The following ADGRG1 variants were observed in gnomAD, a reference collection of about 807,000 sequenced individuals.
The protein encoded by ADGRG1 is 7-transmembrane protein with no EGF-like N-terminal domains-1.
ADGRG1 carries 53 observed loss-of-function variants against 73.5 expected under a neutral mutation model. The observed-to-expected ratio is 0.72, with a 90% CI of 0.58 to 0.91. The LOEUF is 0.91. Ranked by LOEUF, ADGRG1 falls within the 40% of genes least tolerant of loss-of-function variation. The pLI, the probability that ADGRG1 is intolerant of heterozygous loss-of-function variation, is 0.00. For missense variants in ADGRG1, 795 were observed against 871.8 expected (o/e 0.91, Z 1.11); for synonymous variants, 394 against 374.4 (o/e 1.05, Z -0.60).
In ADGRG1 at chr16:57,659,690, T is replaced by G. The variant is rs754174494; in HGVS notation, c.1555+9T>G. The G allele has an allele frequency of 1.7e-5, 28 of 1,613,314 alleles. No individual in the cohort carries two copies. The highest frequency in any genetic ancestry group is 2.3e-5 in the Non-Finnish European group (27 of 1,179,852). On this transcript the variant is annotated intron_variant, in intron 11 of 13. Coordinates refer to ENST00000562631, the MANE Select transcript of ADGRG1 (RefSeq NM_201525.4). ...GAGCGCCATGGGCTGGGGTAAGTGG[T>G]TGGGCGGGGGGTGCCTCAGACCTGC...
chr16:57,655,343 G>T (rs116436843), intron 5 of ADGRG1, 56 bp from the exon 6 acceptor site: 7 of 1,600,654 alleles, frequency 4.4e-6, no homozygotes, highest in Admixed American at 1.7e-5. Flanking sequence ...GTGCTAGGGT[G>T]GGGGGCACGG....
chr16:57,661,132 G>C (rs1460166893), intron 12 of ADGRG1: 1 of 274,098 alleles, frequency 3.6e-6, no homozygotes, highest in Non-Finnish European at 5.6e-6. Flanking sequence ...ATGCATGAAT[G>C]GGGGTATGGG....
chr16:57,627,509 TTCA>T (rs749038938), upstream of ADGRG1, among the ~76,000 whole-genome samples: 1 of 152,230 alleles, frequency 6.6e-6, no homozygotes, highest in Non-Finnish European at 1.5e-5. Context: ...CTCCCTCTTC[TTCA>T]TCACCACATT....
Position 57,659,492 on chromosome 16 carries a change from C to T in ADGRG1, c.1366C>T (p.Leu456Phe). The T allele has an allele frequency of 1.9e-6, 3 of 1,613,846 alleles. No homozygotes were observed. Among genetic ancestry groups the T allele is most frequent in the Non-Finnish European group, 2.5e-6 (3 of 1,179,822 alleles). ...AVFLLDTSFL[L>F]SEPVALTGSE... ...CTTCCTGCTGGACACGAGCTTCCTGCTCAGCGAGCCGGTGGCCCTGACAGG... is the reference window on the plus strand; with the variant it reads ...CTTCCTGCTGGACACGAGCTTCCTGTTCAGCGAGCCGGTGGCCCTGACAGG... The change falls in exon 11 of 14, where the codon CTC becomes TTC. Residue 456 changes from leucine (L) to phenylalanine (F), a missense_variant. Coordinates refer to ENST00000562631, the MANE Select transcript of ADGRG1 (RefSeq NM_201525.4).
At chr16:57,645,237 G>C in intron 1 of ADGRG1, 5 of 985,446 alleles carry the variant, frequency 5.1e-6, no homozygotes, top group Non-Finnish European at 6.0e-6. Context: ...AGTTGAGCTG[G>C]GGGGGTCTTC....
intron 1 of ADGRG1, chr16:57,647,145 G>A (rs762057083): frequency 9.1e-6 from 9 of 985,318 alleles, no homozygotes; most frequent in African/African-American, 1.7e-5. Flanking sequence ...AAGGAGGGGC[G>A]CTAAGTGGAC....
chr16:57,635,167 G>A (rs886415954), intron 1 of ADGRG1: 38 of 985,218 alleles, frequency 3.9e-5, no homozygotes, highest in South Asian at 4.7e-5. Context: ...ACCTGAATAG[G>A]GGCATTCCTG....
intron 2 of ADGRG1, chr16:57,621,644 G>C (rs1772979062): frequency 6.5e-6 from 1 of 152,684 alleles, no homozygotes; most frequent in Non-Finnish European, 1.5e-5. Context: ...CCACCTTGTG[G>C]GTAGTCACTA....
At chr16:57,634,301 T>C (rs2038800770) in intron 1 of ADGRG1, 1 of 985,268 alleles carries the variant, frequency 1.0e-6, no homozygotes, top group Non-Finnish European at 1.2e-6. Flanking sequence ...CCTGCTTTGA[T>C]GGTGACAGAT....
In ADGRG1 at chr16:57,655,929, G is replaced by C. The variant is rs2045597183; in HGVS notation, c.954G>C (p.Gln318His). Reference sequence around the variant, plus strand: ...AGAAGGTCTTGGGGATTGTGGTACAGAACACCAAAGTAGCCAACCTCACGG... The same window carrying C: ...AGAAGGTCTTGGGGATTGTGGTACACAACACCAAAGTAGCCAACCTCACGG... ...LGEKVLGIVVQNTKVANLTEP... is the reference protein window; with the variant it reads ...LGEKVLGIVVHNTKVANLTEP... Residue 318 changes from glutamine to histidine, a missense_variant, in exon 7 of 14, where the codon CAG (glutamine) becomes CAC (histidine). Coordinates refer to ENST00000562631, the MANE Select transcript of ADGRG1 (RefSeq NM_201525.4). The C allele has an allele frequency of 1.2e-6, 2 of 1,614,054 alleles. No individual in the cohort carries two copies. The highest frequency in any genetic ancestry group is 1.7e-6 in the Non-Finnish European group (2 of 1,180,028).
intron 13 of ADGRG1, among the ~76,000 whole-genome samples, chr16:57,662,232 G>A (rs2047301645): frequency 6.6e-6 from 1 of 152,166 alleles, no homozygotes; most frequent in Non-Finnish European, 1.5e-5. Flanking sequence ...GGGGAAGACT[G>A]CGCATGAGCA....
chr16:57,623,697 C>T, upstream of ADGRG1: 2 of 644,774 alleles, frequency 3.1e-6, no homozygotes, highest in Non-Finnish European at 3.9e-6. Flanking sequence ...CACACAGCTC[C>T]CTTTGTGAAG....
At chr16:57,657,781 G>A (rs781087994) in intron 10 of ADGRG1, among the ~76,000 whole-genome samples, 13 of 151,586 alleles carry the variant, frequency 8.6e-5, no homozygotes, top group Admixed American at 3.9e-4. Flanking sequence ...TGCCTCTGTC[G>A]CCCAGGCTGG....
chr16:57,636,467 C>G, intron 1 of ADGRG1: 1 of 985,284 alleles, frequency 1.0e-6, no homozygotes. Flanking sequence ...GAACCGTTCT[C>G]TGGCCAAGCA....
Position 57,643,575 on chromosome 16 carries a change from C to A in ADGRG1, c.-35-6678C>A, listed in dbSNP as rs554594625. 61 of 984,874 alleles carry A rather than the reference C, an allele frequency of 6.2e-5. No homozygotes were observed. The African/African-American group carries it at 1.0e-3, about 17-fold the overall frequency. The allele number at this position is 984,874 out of a possible 1,614,324, so 61.0% of individuals were successfully genotyped here. ...TGGCGGTATGGGGGGTGGGGGGTGTCCAGCAGGTCTGGTGTAAGAGTGTGA... is the reference window on the plus strand; with the variant it reads ...TGGCGGTATGGGGGGTGGGGGGTGTACAGCAGGTCTGGTGTAAGAGTGTGA... On this transcript the variant is annotated intron_variant, in intron 1 of 13. Coordinates refer to ENST00000562631, the MANE Select transcript of ADGRG1 (RefSeq NM_201525.4).
In ADGRG1 at chr16:57,653,260, A is replaced by G; in HGVS notation, c.545A>G (p.Asp182Gly). ...GTGGACATGTGCGAGCTCAAAAGGGACCTCCAGCTGCTCAGCCAGTTCCTG... is the reference window on the plus strand; with the variant it reads ...GTGGACATGTGCGAGCTCAAAAGGGGCCTCCAGCTGCTCAGCCAGTTCCTG... ...ASVDMCELKR[D>G]LQLLSQFLKH... is the part of the protein sequence containing the mutation. The change falls in exon 4 of 14, where the codon GAC (aspartate) becomes GGC (glycine). Residue 182 changes from aspartate to glycine, a missense_variant. By Grantham distance (94) the Asp-to-Gly change is moderately conservative. Transcript: ENST00000562631. The G allele has an allele frequency of 6.2e-7, 1 of 1,612,302 alleles. No individual in the cohort carries two copies. Among genetic ancestry groups the G allele is most frequent in the Non-Finnish European group, 8.5e-7 (1 of 1,179,862 alleles).
chr16:57,647,410 C>T (rs2042959128), intron 1 of ADGRG1: 2 of 984,906 alleles, frequency 2.0e-6, no homozygotes, highest in Non-Finnish European at 2.4e-6. Context: ...GCCCAGGGGG[C>T]TGAGTTAGGG....
intron 1 of ADGRG1, chr16:57,635,920 G>A (rs2039241565): frequency 1.0e-6 from 1 of 985,258 alleles, no homozygotes; most frequent in Non-Finnish European, 1.2e-6. Context: ...GAGGCCAAGT[G>A]CATATCCTAT....
At chr16:57,633,784 G>A (rs2038635394) in intron 1 of ADGRG1, among the ~76,000 whole-genome samples, 1 of 152,194 alleles carries the variant, frequency 6.6e-6, no homozygotes. Context: ...TTCTTAGAGA[G>A]CATTGGAGAC....
Sources: gnomAD v4.1 joint callset for allele counts (sites outside exome capture counted in the v4.1 genomes callset) on GRCh38, gnomAD v4.1.1 for gene constraint, MANE v1.5 for transcripts, NCBI Gene and HGNC (gene_info 2026-07-23, HGNC 2026-07-21) for gene names.